PLPPR1: variants seen among roughly 807,000 people sequenced by gnomAD.
PLPPR1 encodes phospholipid phosphatase related 1.
In PLPPR1, 10 loss-of-function variants were observed where a neutral mutation model predicts 33.1. The ratio of observed to expected loss-of-function variants is 0.30; its 90% confidence interval spans 0.19 to 0.51. PLPPR1 has a LOEUF of 0.51. Among genes scored for constraint, PLPPR1 ranks in the 20% least tolerant of loss-of-function variants. PLPPR1 has a pLI of 0.97. For synonymous variants in PLPPR1, 151 were observed against 151.0 expected (o/e 1.00, Z 0.00); for missense variants, 304 against 408.1 (o/e 0.74, Z 2.20).
chr9:101,245,347 T>C (rs994418986), intron 2 of PLPPR1, among the ~76,000 whole-genome samples: 1 of 151,978 alleles, frequency 6.6e-6, no homozygotes. Flanking sequence ...AAAACATGAC[T>C]GATATACCAT....
chr9:101,197,732 G>A (rs1826423525), intron 2 of PLPPR1, among the ~76,000 whole-genome samples: 1 of 152,170 alleles, frequency 6.6e-6, no homozygotes, highest in Non-Finnish European at 1.5e-5. Context: ...CTTTTTATCA[G>A]AAGAAATAAA....
chr9:101,263,192 G>T (rs1442812757), intron 2 of PLPPR1, among the ~76,000 whole-genome samples: 1 of 152,064 alleles, frequency 6.6e-6, no homozygotes, highest in Non-Finnish European at 1.5e-5. Context: ...ACAGCACCAT[G>T]ATACTCACCA....
At chr9:101,301,628 A>T (rs1828754642) in intron 4 of PLPPR1, among the ~76,000 whole-genome samples, 1 of 152,184 alleles carries the variant, frequency 6.6e-6, no homozygotes. Context: ...TGCTCTGTAA[A>T]CACCTAAAAT....
At chr9:101,120,120 T>C (rs1032500721) in intron 1 of PLPPR1, among the ~76,000 whole-genome samples, 1 of 152,250 alleles carries the variant, frequency 6.6e-6, no homozygotes, top group African/African-American at 2.4e-5. Flanking sequence ...CCTAAAGTGA[T>C]GTTCCAGCCA....
chr9:101,284,069 G>A (rs1828347927), intron 3 of PLPPR1, among the ~76,000 whole-genome samples: 1 of 151,890 alleles, frequency 6.6e-6, no homozygotes, highest in South Asian at 2.1e-4. Context: ...AATCCATATG[G>A]AGGTGCCTCA....
intron 5 of PLPPR1, among the ~76,000 whole-genome samples, chr9:101,310,897 A>G (rs1284932631): frequency 6.6e-6 from 1 of 152,222 alleles, no homozygotes; most frequent in East Asian, 1.9e-4. Context: ...AGAAGCCTCA[A>G]TTTACAAAAC....
At chr9:101,241,484 C>T (rs1236898339) in intron 2 of PLPPR1, among the ~76,000 whole-genome samples, 1 of 152,088 alleles carries the variant, frequency 6.6e-6, no homozygotes, top group African/African-American at 2.4e-5. Flanking sequence ...TTGTGTTGGG[C>T]CACATTCAAA....
chr9:101,295,214 G>T lies in PLPPR1; in HGVS notation c.385+8978G>T, dbSNP rs1239977954. ...CTCCCATTCACAATTGCTTCAAAGA[G>T]AATAAAATACCTAGGAATCCAACTT... On this transcript the variant is annotated intron_variant, in intron 4 of 7. Coordinates refer to ENST00000374874, the MANE Select transcript of PLPPR1 (RefSeq NM_207299.2). Among the ~76,000 whole-genome samples the T allele has an allele frequency of 2.0e-5, 3 of 151,734 alleles. No individual in the cohort carries two copies. The South Asian group carries it at 6.3e-4, about 32-fold the overall frequency.
intron 1 of PLPPR1, among the ~76,000 whole-genome samples, chr9:101,156,414 G>T (rs1306279550): frequency 6.6e-6 from 1 of 151,928 alleles, no homozygotes; most frequent in Non-Finnish European, 1.5e-5. Context: ...ACCAGGTATG[G>T]TGGTGTCTGC....
chr9:101,100,689 CTT>C (rs1035292263), intron 1 of PLPPR1, among the ~76,000 whole-genome samples: 5 of 134,788 alleles, frequency 3.7e-5, no homozygotes, highest in African/African-American at 1.2e-4. Context: ...ACTATTTACT[CTT>C]TGTTCCGTGT....
rs983093980 is a variant in PLPPR1, at chr9:101,190,853, A to C, written c.63+5296A>C. Among the ~76,000 whole-genome samples the C allele has an allele frequency of 2.0e-5, 3 of 152,190 alleles. No individual in the cohort carries two copies. In the South Asian group the frequency reaches 6.2e-4, roughly 31 times the overall value. Reference sequence around the variant, plus strand: ...GATTACAAGAGCACCTACAGGGAAAAGCTGAAAGGGAGAGGATTAACAGTG... The same window carrying C: ...GATTACAAGAGCACCTACAGGGAAACGCTGAAAGGGAGAGGATTAACAGTG... On this transcript the variant is annotated intron_variant, in intron 2 of 7. Transcript: ENST00000374874.
intron 1 of PLPPR1, among the ~76,000 whole-genome samples, chr9:101,053,809 C>A (rs751845282): frequency 5.3e-5 from 8 of 152,134 alleles, no homozygotes; most frequent in Non-Finnish European, 1.0e-4. Context: ...GCTGAGAAGA[C>A]AAGCCTTTAT....
intron 7 of PLPPR1, among the ~76,000 whole-genome samples, chr9:101,322,309 G>T (rs1829169593): frequency 6.8e-6 from 1 of 147,180 alleles, no homozygotes; most frequent in South Asian, 2.2e-4. Flanking sequence ...TAGACCCAAA[G>T]CATTGAGTTT....
chr9:101,271,988 C>T (rs892061409), intron 3 of PLPPR1, among the ~76,000 whole-genome samples: 1 of 152,048 alleles, frequency 6.6e-6, no homozygotes, highest in Admixed American at 6.6e-5. Context: ...GTACATCTGC[C>T]TGGCTAGTCT....
At chr9:101,261,662 A>G (rs542264315) in intron 2 of PLPPR1, among the ~76,000 whole-genome samples, 1 of 152,264 alleles carries the variant, frequency 6.6e-6, no homozygotes, top group South Asian at 2.1e-4. Context: ...AATAGTATGC[A>G]TCCATAAAAA....
At chr9:101,310,791 G>A (rs1172743960) in intron 5 of PLPPR1, among the ~76,000 whole-genome samples, 1 of 152,100 alleles carries the variant, frequency 6.6e-6, no homozygotes, top group Non-Finnish European at 1.5e-5. Flanking sequence ...CACATCGATA[G>A]GGTTATTTTG....
intron 2 of PLPPR1, among the ~76,000 whole-genome samples, chr9:101,250,318 T>G (rs1827693190): frequency 6.6e-6 from 1 of 152,106 alleles, no homozygotes; most frequent in South Asian, 2.1e-4. Context: ...CATCTCGAAC[T>G]GATTCCATCC....
chr9:101,137,427 G>T (rs910519194), intron 1 of PLPPR1, among the ~76,000 whole-genome samples: 1 of 152,180 alleles, frequency 6.6e-6, no homozygotes, highest in Non-Finnish European at 1.5e-5. Flanking sequence ...AAGAAGGAAA[G>T]ATTAAAACAG....
Position 101,222,485 on chromosome 9 carries a change from T to G in PLPPR1, c.63+36928T>G, listed in dbSNP as rs977307591. ...AGGTGGGACCAGGAGGCAACCTGTG[T>G]GTTTTTTCTTCACTGCTTCTCCTAG... On this transcript the variant is annotated intron_variant, in intron 2 of 7. Transcript: ENST00000374874. 2.6e-5 allele frequency among the ~76,000 whole-genome samples: 4 copies of G among 152,258 alleles called. No homozygotes were observed. The East Asian group carries it at 7.7e-4, about 29-fold the overall frequency.
Sources: gnomAD v4.1 joint callset for allele counts (sites outside exome capture counted in the v4.1 genomes callset) on GRCh38, gnomAD v4.1.1 for gene constraint, MANE v1.5 for transcripts, NCBI Gene and HGNC (gene_info 2026-07-23, HGNC 2026-07-21) for gene names.